Variants in PCSK5 observed in about 807,000 individuals in gnomAD.
PCSK5 encodes prohormone convertase 5.
PCSK5 carries 129 observed loss-of-function variants against 233.2 expected under a neutral mutation model. That is an observed-to-expected ratio of 0.55 (90% confidence interval 0.48 to 0.64). The LOEUF (loss-of-function observed/expected upper bound fraction) is 0.64, where lower values mean the gene tolerates loss of function less well. PCSK5 is among the 30% of genes least tolerant of loss of function. PCSK5 has a pLI of 0.00. For missense variants in PCSK5, 2,076 were observed against 2,430.1 expected (o/e 0.85, Z 3.06); for synonymous variants, 825 against 879.2 (o/e 0.94, Z 1.09).
At chr9:76,112,616 T>C (rs1832269281) in intron 9 of PCSK5, among the ~76,000 whole-genome samples, 1 of 152,152 alleles carries the variant, frequency 6.6e-6, no homozygotes, top group Non-Finnish European at 1.5e-5. Context: ...TTATATCTTA[T>C]CTTTATTTAT....
chr9:76,310,680 G>A lies in PCSK5; in HGVS notation c.3713G>A (p.Cys1238Tyr). Reference protein sequence around the residue: ...PKGAYLLAQACVSSCPQGTWP... With the variant: ...PKGAYLLAQAYVSSCPQGTWP... Reference sequence around the variant, plus strand: ...GGTGCATATCTTCTGGCTCAGGCCTGTGTTTCCTCCTGTCCCCAAGGCACA... The same window carrying A: ...GGTGCATATCTTCTGGCTCAGGCCTATGTTTCCTCCTGTCCCCAAGGCACA... Residue 1238 changes from cysteine (C) to tyrosine (Y), a missense_variant, in exon 30 of 38, where the codon TGT becomes TAT. Coordinates refer to ENST00000674117, the MANE Select transcript of PCSK5 (RefSeq NM_001372043.1). 1.9e-6 allele frequency: 3 copies of A among 1,595,710 alleles called. No individual in the cohort carries two copies. The highest frequency in any genetic ancestry group is 2.6e-6 in the Non-Finnish European group (3 of 1,173,676).
At chr9:76,117,127 A>G (rs1183864784) in intron 9 of PCSK5, among the ~76,000 whole-genome samples, 1 of 152,056 alleles carries the variant, frequency 6.6e-6, no homozygotes, top group Non-Finnish European at 1.5e-5. Flanking sequence ...CTTACAAGTC[A>G]TAGTTGCAAT....
In PCSK5 at chr9:75,923,872, G is replaced by A. The variant is rs1365721304; in HGVS notation, c.193-8507G>A. Among the ~76,000 whole-genome samples, 8 of 152,002 alleles carry A rather than the reference G, an allele frequency of 5.3e-5. No individual in the cohort carries two copies. In the East Asian group the frequency reaches 1.2e-3, roughly 22 times the overall value. Reference sequence around the variant, plus strand: ...GCTTGTGGACCCTTCTACCATCTTCGGAGCCAGCAGCATAGCATTTTCAAA... The same window carrying A: ...GCTTGTGGACCCTTCTACCATCTTCAGAGCCAGCAGCATAGCATTTTCAAA... On this transcript the variant is annotated intron_variant, in intron 1 of 37. Transcript: ENST00000674117.
chr9:76,189,089 T>A lies in PCSK5; in HGVS notation c.2381-5T>A. ...CTCGTTTCCTGTGTTTGTCTTGCTT[T>A]TAAGGGGCAGGAGCTGATGGGTGCA... On this transcript the variant is annotated splice_polypyrimidine_tract_variant and splice_region_variant and intron_variant, in intron 18 of 37. Transcript: ENST00000674117. 5 of 1,612,296 alleles carry A rather than the reference T, an allele frequency of 3.1e-6. No homozygotes were observed. Among genetic ancestry groups the A allele is most frequent in the Non-Finnish European group, 4.2e-6 (5 of 1,179,482 alleles).
chr9:76,249,146 G>A (rs1826715596), intron 24 of PCSK5, among the ~76,000 whole-genome samples: 1 of 152,182 alleles, frequency 6.6e-6, no homozygotes, highest in Admixed American at 6.5e-5. Context: ...ACTTGTCGAT[G>A]TTTCAGACAG....
intron 20 of PCSK5, among the ~76,000 whole-genome samples, chr9:76,190,159 C>T (rs1824301746): frequency 6.6e-6 from 1 of 152,128 alleles, no homozygotes; most frequent in Non-Finnish European, 1.5e-5. Context: ...AGTGACACAT[C>T]ATTATCACCC....
intron 1 of PCSK5, among the ~76,000 whole-genome samples, chr9:75,928,810 A>T (rs1382393666): frequency 1.3e-5 from 2 of 151,498 alleles, no homozygotes; most frequent in Non-Finnish European, 2.9e-5. Flanking sequence ...ATTAAGGTAG[A>T]ACTAAACCAT....
intron 2 of PCSK5, among the ~76,000 whole-genome samples, chr9:75,971,325 G>T (rs1246974693): frequency 6.6e-6 from 1 of 152,120 alleles, no homozygotes; most frequent in Non-Finnish European, 1.5e-5. Context: ...TCTTTATCCA[G>T]TCTATCATTG....
In PCSK5 at chr9:76,122,399, G is replaced by C. The variant is rs986249641; in HGVS notation, c.1209-11710G>C. Among the ~76,000 whole-genome samples, 17 of 151,980 alleles carry C rather than the reference G, an allele frequency of 1.1e-4. 1 individual carries two copies. Among genetic ancestry groups the C allele is most frequent in the African/African-American group, 4.1e-4 (17 of 41,376 alleles). ...TTTATCTCTGAACACACTTTTGATA[G>C]ACTGTTATTTTCTAATGATATTTTC... On this transcript the variant is annotated intron_variant, in intron 9 of 37. Transcript: ENST00000674117.
At chr9:76,175,295 TAGAATAGAATAGAATAGAACAGAAC>T in intron 14 of PCSK5, 166 bp downstream of exon 14, 1 of 400,466 alleles carries the variant, frequency 2.5e-6, no homozygotes, top group Non-Finnish European at 4.5e-6. Context: ...TCGAATCGAA[TAGAATAGAATAGAATAGAACAGAAC>T]AGAATAGAAT....
chr9:75,936,961 C>T (rs1364543601), intron 2 of PCSK5, among the ~76,000 whole-genome samples: 1 of 141,444 alleles, frequency 7.1e-6, no homozygotes, highest in Non-Finnish European at 1.6e-5. Context: ...TGTTAGCAGG[C>T]ATGAGAACAG....
intron 1 of PCSK5, among the ~76,000 whole-genome samples, chr9:75,917,684 T>C (rs988735393): frequency 6.6e-6 from 1 of 152,254 alleles, no homozygotes; most frequent in African/African-American, 2.4e-5. Flanking sequence ...TGCACATATC[T>C]GCTGATATAA....
chr9:76,062,438 T>C (rs1325358554), intron 5 of PCSK5, among the ~76,000 whole-genome samples: 3 of 152,148 alleles, frequency 2.0e-5, no homozygotes, highest in Non-Finnish European at 4.4e-5. Flanking sequence ...TTGAAAAATG[T>C]TCAACATCAA....
intron 2 of PCSK5, among the ~76,000 whole-genome samples, chr9:75,984,310 TAG>T (rs1246294952): frequency 6.6e-6 from 1 of 152,194 alleles, no homozygotes. Flanking sequence ...CACCCCAGGA[TAG>T]ACTGTCCTGA....
At chr9:75,965,900 G>A (rs371250788) in intron 2 of PCSK5, among the ~76,000 whole-genome samples, 2 of 152,270 alleles carry the variant, frequency 1.3e-5, no homozygotes, top group African/African-American at 2.4e-5. Context: ...ACCACCACCC[G>A]AGGGCTACAG....
At chr9:76,235,270 C>T (rs1826215878) in intron 22 of PCSK5, among the ~76,000 whole-genome samples, 3 of 151,676 alleles carry the variant, frequency 2.0e-5, no homozygotes, top group Admixed American at 2.0e-4. Context: ...AAACCAGTCA[C>T]TTCACCTCTT....
chr9:75,928,650 G>T (rs368833351), intron 1 of PCSK5, among the ~76,000 whole-genome samples: 1 of 128,336 alleles, frequency 7.8e-6, no homozygotes, highest in East Asian at 2.3e-4. Context: ...ATCCTAGAAG[G>T]TGATAGATTA....
intron 10 of PCSK5, among the ~76,000 whole-genome samples, chr9:76,147,030 G>A (rs1823469494): frequency 6.6e-6 from 1 of 152,146 alleles, no homozygotes; most frequent in African/African-American, 2.4e-5. Flanking sequence ...TGCTTCAGTT[G>A]TAGGGGCAGT....
At chr9:76,069,653 C>T (rs1830413180) in intron 6 of PCSK5, among the ~76,000 whole-genome samples, 1 of 152,030 alleles carries the variant, frequency 6.6e-6, no homozygotes, top group South Asian at 2.1e-4. Flanking sequence ...GAACATCACC[C>T]TCTAAGTATG....
Sources: gnomAD v4.1 joint callset for allele counts (sites outside exome capture counted in the v4.1 genomes callset) on GRCh38, gnomAD v4.1.1 for gene constraint, MANE v1.5 for transcripts, NCBI Gene and HGNC (gene_info 2026-07-23, HGNC 2026-07-21) for gene names.